The following IL1RAPL2 variants were observed in gnomAD, a reference collection of about 807,000 sequenced individuals.
IL1RAPL2 encodes the protein interleukin 1 receptor accessory protein like 2, also known as X-linked interleukin-1 receptor accessory protein-like 2.
A neutral mutation model predicts 44.1 loss-of-function variants in IL1RAPL2; 3 were observed. That is an observed-to-expected ratio of 0.07 (90% CI 0.03 to 0.18). IL1RAPL2 has a LOEUF of 0.18. Among genes scored for constraint, IL1RAPL2 ranks in the 10% least tolerant of loss-of-function variants. The probability of loss-of-function intolerance (pLI) is 1.00; values close to 1 mark genes in which losing one functional copy is unlikely to be tolerated. For missense variants in IL1RAPL2, 391 were observed against 496.4 expected (o/e 0.79, Z 2.02); for synonymous variants, 181 against 178.8 (o/e 1.01, Z -0.10).
intron 1 of IL1RAPL2, among the ~76,000 whole-genome samples, chrX:104,603,424 C>A (rs1013701104): frequency 9.0e-6 from 1 of 111,641 alleles, no homozygotes; most frequent in African/African-American, 3.3e-5. Context: ...TCCTCACCAG[C>A]AAGAGAACAA....
At chrX:104,702,067 G>C (rs1422249527) in intron 2 of IL1RAPL2, among the ~76,000 whole-genome samples, 1 of 110,993 alleles carries the variant, frequency 9.0e-6, no homozygotes, top group Non-Finnish European at 1.9e-5. Flanking sequence ...TTAACACCTG[G>C]TACAAAATGC....
At chrX:105,373,432 C>A (rs1275599683) in intron 5 of IL1RAPL2, among the ~76,000 whole-genome samples, 1 of 111,356 alleles carries the variant, frequency 9.0e-6, no homozygotes, top group East Asian at 2.8e-4. Flanking sequence ...TTCTTTGATA[C>A]ACAGTTTGCA....
intron 1 of IL1RAPL2, among the ~76,000 whole-genome samples, chrX:104,658,462 T>C (rs1019094114): frequency 9.0e-6 from 1 of 111,597 alleles, no homozygotes; most frequent in African/African-American, 3.3e-5. Flanking sequence ...CCAGGGCTTC[T>C]GGTGGGGTGG....
At chrX:105,505,081 C>T (rs182152977) in intron 6 of IL1RAPL2, among the ~76,000 whole-genome samples, 2 of 111,284 alleles carry the variant, frequency 1.8e-5, no homozygotes, top group Non-Finnish European at 3.8e-5. Context: ...TAAAATGACC[C>T]TACCCTCCCT....
chrX:104,909,342 C>G (rs1924147336), intron 2 of IL1RAPL2, among the ~76,000 whole-genome samples: 1 of 112,208 alleles, frequency 8.9e-6, no homozygotes, highest in Non-Finnish European at 1.9e-5. Flanking sequence ...CTTCTCTCAG[C>G]TCGTCAAAGT....
chrX:104,880,927 A>T (rs1212654196), intron 2 of IL1RAPL2, among the ~76,000 whole-genome samples: 1 of 111,781 alleles, frequency 8.9e-6, no homozygotes, highest in Admixed American at 9.5e-5. Context: ...TAGGTGACAT[A>T]GATTGATTTT....
chrX:104,758,514 A>G (rs1050267341), intron 2 of IL1RAPL2, among the ~76,000 whole-genome samples: 2 of 111,437 alleles, frequency 1.8e-5, no homozygotes, highest in African/African-American at 6.5e-5. Flanking sequence ...GGAAAAGAGA[A>G]AACCGTCAGT....
intron 2 of IL1RAPL2, among the ~76,000 whole-genome samples, chrX:105,183,210 G>A (rs1556131906): frequency 9.0e-6 from 1 of 111,493 alleles, no homozygotes; most frequent in Non-Finnish European, 1.9e-5. Flanking sequence ...GCACACAGTG[G>A]TTCTGTTGCT....
intron 5 of IL1RAPL2, among the ~76,000 whole-genome samples, chrX:105,371,165 C>T (rs769819055): frequency 8.9e-6 from 1 of 112,042 alleles, no homozygotes; most frequent in Admixed American, 9.4e-5. Flanking sequence ...CAAATACTTC[C>T]TCCCATTATG....
intron 2 of IL1RAPL2, among the ~76,000 whole-genome samples, chrX:104,715,489 A>T (rs1931544430): frequency 9.4e-6 from 1 of 106,028 alleles, no homozygotes; most frequent in African/African-American, 3.4e-5. Flanking sequence ...TATCTCCTTC[A>T]GTTGAGCTCT....
intron 2 of IL1RAPL2, among the ~76,000 whole-genome samples, chrX:104,792,996 C>T (rs1162600794): frequency 9.0e-6 from 1 of 111,640 alleles, no homozygotes. Context: ...GCTCATTGTC[C>T]CATTAAATGT....
intron 4 of IL1RAPL2, among the ~76,000 whole-genome samples, chrX:105,241,318 T>C (rs2034169346): frequency 9.0e-6 from 1 of 111,605 alleles, no homozygotes; most frequent in Non-Finnish European, 1.9e-5. Flanking sequence ...AAATAATGAC[T>C]CAAAAATTTT....
chrX:104,601,259 C>T (rs1928876003), intron 1 of IL1RAPL2, among the ~76,000 whole-genome samples: 1 of 110,452 alleles, frequency 9.1e-6, no homozygotes, highest in African/African-American at 3.3e-5. Context: ...GGTATATCTC[C>T]TAATGCTATC....
chrX:105,539,257 G>A (rs1331312574), intron 6 of IL1RAPL2, among the ~76,000 whole-genome samples: 2 of 111,031 alleles, frequency 1.8e-5, no homozygotes, highest in South Asian at 3.8e-4. Context: ...ACCCTGAGGC[G>A]TCACATTACC....
chrX:105,569,111 A>AT (rs2036996233), intron 6 of IL1RAPL2, among the ~76,000 whole-genome samples: 1 of 112,018 alleles, frequency 8.9e-6, no homozygotes, highest in African/African-American at 3.2e-5. Context: ...GAATTATTAC[A>AT]TCCTGCCAAC....
chrX:105,016,497 T>C (rs2031179311), intron 2 of IL1RAPL2, among the ~76,000 whole-genome samples: 1 of 111,575 alleles, frequency 9.0e-6, no homozygotes, highest in Non-Finnish European at 1.9e-5. Context: ...CATGAATACC[T>C]AGTATATTGA....
intron 5 of IL1RAPL2, among the ~76,000 whole-genome samples, chrX:105,358,049 A>G (rs760333280): frequency 0.028 from 2,876 of 103,219 alleles, 118 homozygotes; most frequent in African/African-American, 0.098. Context: ...AAAAAAAAAA[A>G]AAAAAAAAAA....
intron 2 of IL1RAPL2, among the ~76,000 whole-genome samples, chrX:104,918,664 G>T (rs1343772304): frequency 9.0e-6 from 1 of 111,561 alleles, no homozygotes; most frequent in Non-Finnish European, 1.9e-5. Context: ...TGATACCTCA[G>T]GGATCATAAG....
chrX:104,602,181 G>A (rs983693022), intron 1 of IL1RAPL2, among the ~76,000 whole-genome samples: 4 of 111,463 alleles, frequency 3.6e-5, no homozygotes, highest in Admixed American at 2.8e-4. Flanking sequence ...GCCCATGGAG[G>A]GTGAGCCGAA....
Sources: gnomAD v4.1 joint callset for allele counts (sites outside exome capture counted in the v4.1 genomes callset) on GRCh38, gnomAD v4.1.1 for gene constraint, MANE v1.5 for transcripts, NCBI Gene and HGNC (gene_info 2026-07-23, HGNC 2026-07-21) for gene names.